Variants in FBN3 observed in about 807,000 individuals in gnomAD.
The protein encoded by FBN3 is fibrillin-3.
In FBN3, 234 loss-of-function variants were observed where a neutral mutation model predicts 330.1. That is an observed-to-expected ratio of 0.71 (90% confidence interval 0.64 to 0.79). The LOEUF is 0.79. Ranked by LOEUF, FBN3 falls within the 30% of genes least tolerant of loss-of-function variation. FBN3 has a pLI of 0.00. For synonymous variants in FBN3, 1,458 were observed against 1,517.3 expected (o/e 0.96, Z 0.91); for missense variants, 3,606 against 3,886.9 (o/e 0.93, Z 1.92).
Position 8,086,622 on chromosome 19 carries a change from A to ATTT in FBN3, c.6755-300_6755-298dup, listed in dbSNP as rs35364392. 3.0e-5 allele frequency among the ~76,000 whole-genome samples: 4 copies of ATTT among 133,570 alleles called. No homozygotes were observed. In the South Asian group the frequency reaches 7.4e-4, roughly 25 times the overall value. The allele number at this position is 133,570 out of a possible 152,430, so 87.6% of individuals were successfully genotyped here. On this transcript the variant is annotated intron_variant, in intron 54 of 63. Coordinates refer to ENST00000600128, the MANE Select transcript of FBN3 (RefSeq NM_032447.5). ...CAGGTGCCCGCCGCCACGCCCAGCT[A>ATTT]TTTTTTTTTTTTTTTTTGTATTTTT... is the stretch of plus-strand genomic sequence containing the variant.
rs746835088 is a variant in FBN3 at position 8,129,355 on chromosome 19, C to G, written c.2055G>C (p.Glu685Asp). The part of the protein sequence containing the change: ...GITTDGRDIN[E>D]CALDPEVCAN... ...CACAAACCTCAGGATCCAGAGCACA[C>G]TCGTTGATGTCTGCGGCAGGAGGAG... The change falls in exon 17 of 64, where the codon GAG (glutamate) becomes GAC (aspartate). Residue 685 changes from glutamate to aspartate, a missense_variant. Physicochemically the swap from Glu to Asp is conservative, Grantham distance 45 (BLOSUM62 2). Coordinates refer to ENST00000600128, the MANE Select transcript of FBN3 (RefSeq NM_032447.5). The surrounding 1 kb of genome is among the most constrained non-coding windows in gnomAD (Gnocchi z 4.5). The G allele has an allele frequency of 2.1e-5, 34 of 1,613,934 alleles. No individual in the cohort carries two copies. The highest frequency in any genetic ancestry group is 2.9e-5 in the Non-Finnish European group (34 of 1,179,970).
intron 16 of FBN3, among the ~76,000 whole-genome samples, chr19:8,130,459 C>A: frequency 7.2e-6 from 1 of 139,502 alleles, no homozygotes; most frequent in Non-Finnish European, 1.5e-5. Context: ...TGCAGTGAGC[C>A]AAGATCACGC....
Position 8,092,710 on chromosome 19 carries a change from A to C in FBN3, c.5906-1120T>G, listed in dbSNP as rs1325783663. Among the ~76,000 whole-genome samples, 84 of 18,870 alleles carry C rather than the reference A, an allele frequency of 4.5e-3. 2 individuals are homozygous for C. Among genetic ancestry groups the C allele is most frequent in the African/African-American group, 8.7e-3 (79 of 9,066 alleles). 12.4% of individuals were successfully genotyped at this position (18,870 alleles called of 152,430 possible). ...GGGTGACAGAGTGAGACTCCACCAAAAAAAAAAAAAAAAAAAAAAAAAAGG... is the reference window on the plus strand; with the variant it reads ...GGGTGACAGAGTGAGACTCCACCAACAAAAAAAAAAAAAAAAAAAAAAAGG... On this transcript the variant is annotated intron_variant, in intron 47 of 63. Transcript: ENST00000600128.
In FBN3 at chr19:8,123,972, T is replaced by C. The variant is rs1315382354; in HGVS notation, c.2768A>G (p.Glu923Gly). The change falls in exon 23 of 64, where the codon GAG becomes GGG. Residue 923 changes from glutamate (E) to glycine (G), a missense_variant. Physicochemically the swap from Glu to Gly is moderately conservative, Grantham distance 98 (BLOSUM62 -2). Transcript: ENST00000600128. ...AGGCAGGGTGACCCCACACTCATCC[T>C]CATCCCATCGCAGGAAACATGGTTC... is the stretch of plus-strand genomic sequence containing the variant. ...RLEPCFLRWDEDECGVTLPGK... is the reference protein window; with the variant it reads ...RLEPCFLRWDGDECGVTLPGK... The C allele has an allele frequency of 1.9e-6, 3 of 1,613,922 alleles. No homozygotes were observed. The African/African-American group carries it at 4.0e-5, about 22-fold the overall frequency.
intron 56 of FBN3, among the ~76,000 whole-genome samples, chr19:8,085,010 C>T (rs991853861): frequency 7.9e-5 from 12 of 152,160 alleles, no homozygotes; most frequent in African/African-American, 2.9e-4. Context: ...CTTCAGCCTC[C>T]CAAAGTGCTG....
intron 41 of FBN3, among the ~76,000 whole-genome samples, chr19:8,098,129 T>C (rs2144739879): frequency 6.6e-6 from 1 of 152,330 alleles, no homozygotes; most frequent in African/African-American, 2.4e-5. Context: ...GGGTGAAGTG[T>C]GTGGTATGTG....
At chr19:8,070,971 G>A (rs564828999) in intron 63 of FBN3, among the ~76,000 whole-genome samples, 41 of 149,742 alleles carry the variant, frequency 2.7e-4, no homozygotes, top group Middle Eastern at 3.6e-3. Context: ...GCGGTCAGCC[G>A]AGATCACGCC....
intron 56 of FBN3, among the ~76,000 whole-genome samples, chr19:8,084,604 T>G (rs2081892051): frequency 6.6e-6 from 1 of 152,092 alleles, no homozygotes; most frequent in African/African-American, 2.4e-5. Flanking sequence ...TTTATTTTTT[T>G]GGGACAGAGT....
chr19:8,105,877 C>T (rs949596231), intron 38 of FBN3, among the ~76,000 whole-genome samples: 2 of 152,170 alleles, frequency 1.3e-5, no homozygotes, highest in Admixed American at 6.5e-5. Flanking sequence ...AAGGGAGTGT[C>T]GTGGCATTTT....
At chr19:8,146,978 G>C (rs889024500) in intron 3 of FBN3, 126 bp downstream of exon 3, 18 of 824,292 alleles carry the variant, frequency 2.2e-5, no homozygotes, top group Non-Finnish European at 3.3e-5. Context: ...GCAGATGCAA[G>C]GGCCATTCCT....
chr19:8,110,541 A>G (rs986965678), intron 34 of FBN3, among the ~76,000 whole-genome samples: 1 of 152,212 alleles, frequency 6.6e-6, no homozygotes, highest in Non-Finnish European at 1.5e-5. Flanking sequence ...TCATTGTGAC[A>G]GAGACTGACT....
intron 13 of FBN3, 67 bp from the exon 14 acceptor site, chr19:8,133,173 A>G: frequency 6.7e-7 from 1 of 1,497,122 alleles, no homozygotes; most frequent in Non-Finnish European, 8.9e-7. Flanking sequence ...TCCCTCCTCC[A>G]GGCTCCAGGG....
chr19:8,134,453 C>T lies in FBN3; in HGVS notation c.1592-1347G>A, dbSNP rs1245602936. On this transcript the variant is annotated intron_variant, in intron 13 of 63. Transcript: ENST00000600128. ...AGAAGCCAGGTATGCTGGCTCATGCCTGTAGTCCCAGCTACTCAAGTGGCT... is the reference window on the plus strand; with the variant it reads ...AGAAGCCAGGTATGCTGGCTCATGCTTGTAGTCCCAGCTACTCAAGTGGCT... Among the ~76,000 whole-genome samples the T allele has an allele frequency of 2.6e-5, 4 of 152,134 alleles. No individual in the cohort carries two copies. In the East Asian group the frequency reaches 7.7e-4, roughly 29 times the overall value.
intron 24 of FBN3, among the ~76,000 whole-genome samples, chr19:8,122,574 C>T (rs1033046246): frequency 6.6e-6 from 1 of 151,788 alleles, no homozygotes; most frequent in Non-Finnish European, 1.5e-5. Flanking sequence ...GCCATGTTGG[C>T]CAGGCTGGTC....
In FBN3 at chr19:8,121,158, C is replaced by A; in HGVS notation, c.3211+100G>T. ...CAGCTCCTCCCTCCTCCTGCCCCCTCCATCCACGTCCACACAGCAACAGCC... is the reference window on the plus strand; with the variant it reads ...CAGCTCCTCCCTCCTCCTGCCCCCTACATCCACGTCCACACAGCAACAGCC... On this transcript the variant is annotated intron_variant, in intron 25 of 63. Transcript: ENST00000600128. The surrounding 1 kb of genome is among the most constrained non-coding windows in gnomAD (Gnocchi z 4.5). 8.6e-7 allele frequency: 1 copy of A among 1,165,730 alleles called. No homozygotes were observed. The highest frequency in any genetic ancestry group is 1.5e-5 in the South Asian group (1 of 65,046). 72.2% of individuals were successfully genotyped at this position (1,165,730 alleles called of 1,614,324 possible).
chr19:8,126,665 C>A, intron 19 of FBN3, 48 bp downstream of exon 19: 3 of 1,590,874 alleles, frequency 1.9e-6, no homozygotes, highest in Non-Finnish European at 2.6e-6. Context: ...CACCCTGACC[C>A]ATAGACGCCC....
At position 8,096,962 on chromosome 19, in the gene FBN3, C is replaced by T. The variant is rs1006707154; in HGVS notation, c.5332G>A (p.Ala1778Thr). 6.2e-7 allele frequency: 1 copy of T among 1,613,786 alleles called. No individual in the cohort carries two copies. The highest frequency in any genetic ancestry group is 8.5e-7 in the Non-Finnish European group (1 of 1,180,006). Residue 1778 changes from alanine to threonine, a missense_variant, in exon 43 of 64, where the codon GCT becomes ACT. Transcript: ENST00000600128. This position sits in a 1 kb window ranked among gnomAD's most constrained non-coding sequence, Gnocchi z 4.6. The stretch of plus-strand genomic sequence containing the variant: ...CTACCGGGGATGTTGATGCAGTCAG[C>T]ATTCTGCTGGCAGGGACTCTCCCTG... The part of the protein sequence containing the change: ...GSRESPCQQN[A>T]DCINIPGSYR...
intron 8 of FBN3, among the ~76,000 whole-genome samples, chr19:8,140,400 G>C (rs1219166652): frequency 6.6e-6 from 1 of 152,162 alleles, no homozygotes; most frequent in Admixed American, 6.5e-5. Flanking sequence ...GGAGGCGGAG[G>C]TTGCAGTGAG....
intron 6 of FBN3, among the ~76,000 whole-genome samples, chr19:8,143,923 TCCTCCCA>T (rs2083475356): frequency 6.6e-6 from 1 of 151,364 alleles, no homozygotes; most frequent in African/African-American, 2.4e-5. Flanking sequence ...GCTCATGCAA[TCCTCCCA>T]CTTCAGCCTG....
Sources: allele counts gnomAD v4.1 joint callset (sites outside exome capture counted in the v4.1 genomes callset), GRCh38; gene constraint gnomAD v4.1.1; non-coding constraint Gnocchi (gnomAD v3.1); transcripts MANE v1.5; gene names NCBI Gene and HGNC (gene_info 2026-07-23, HGNC 2026-07-21).